CDH26: variants seen among roughly 807,000 people sequenced by gnomAD.
CDH26 encodes the protein cadherin 26.
Under a neutral mutation model 90.3 loss-of-function variants are expected in CDH26, and 83 were observed. The ratio of observed to expected loss-of-function variants is 0.92; its 90% CI spans 0.77 to 1.10. The LOEUF (loss-of-function observed/expected upper bound fraction) is 1.10, where lower values mean the gene tolerates loss of function less well. Among genes scored for constraint, CDH26 ranks in the 50% least tolerant of loss-of-function variants. CDH26 has a pLI of 0.00. For missense variants in CDH26, 1,013 were observed against 1,037.6 expected, an observed-to-expected ratio of 0.98 and a Z score of 0.33; for synonymous variants, 397 against 396.3, an observed-to-expected ratio of 1.00 and a Z score of -0.02.
chr20:60,001,504 G>A, intron 15 of CDH26, 93 bp downstream of exon 15: 1 of 1,516,540 alleles, frequency 6.6e-7, no homozygotes, highest in Non-Finnish European at 8.8e-7. Flanking sequence ...AAGATTCGGT[G>A]ATACTGTCAG....
Position 60,006,766 on chromosome 20 carries a change from G to A in CDH26, c.2274G>A (p.Arg758=), listed in dbSNP as rs567265141. The A allele has an allele frequency of 6.8e-6, 11 of 1,614,006 alleles. No individual in the cohort carries two copies. In the South Asian group the frequency reaches 1.1e-4, roughly 16 times the overall value. ...AACTCCTGGCTCCGGTGGAAGGAAG[G>A]ATGGCAGAGACATTGAATCAGGTAG... is the stretch of plus-strand genomic sequence containing the variant. ...HRQLLAPVEG[R]MAETLNQKLH... is the part of the protein sequence containing the mutation. Residue 758 remains arginine, a synonymous_variant, in exon 17 of 18, where the codon AGG becomes AGA. Transcript: ENST00000348616.
intron 2 of CDH26, 110 bp from the exon 3 acceptor site, chr20:59,969,972 T>C: frequency 1.4e-6 from 2 of 1,454,674 alleles, no homozygotes; most frequent in Non-Finnish European, 1.8e-6. Context: ...GATGAGAGAA[T>C]GCAGGCCAGG....
chr20:60,035,443 A>C (rs868245223), downstream of CDH26, among the ~76,000 whole-genome samples: 14 of 152,376 alleles, frequency 9.2e-5, no homozygotes, highest in Middle Eastern at 3.4e-3. Context: ...AATAACTTAA[A>C]AAGGGTCTGT....
At chr20:59,996,852 C>A in intron 13 of CDH26, 91 bp downstream of exon 13, 1 of 1,519,430 alleles carries the variant, frequency 6.6e-7, no homozygotes, top group Non-Finnish European at 9.0e-7. Flanking sequence ...TGTGCCACCT[C>A]TTAATTCTTC....
intron 1 of CDH26, among the ~76,000 whole-genome samples, chr20:59,960,394 A>AAC (rs111336064): frequency 0.09 from 13,298 of 148,574 alleles, 1,315 homozygotes; most frequent in African/African-American, 0.25. Flanking sequence ...CTTATGTTAA[A>AAC]ACACACACAC....
At chr20:59,974,655 A>G (rs567072605) in intron 4 of CDH26, among the ~76,000 whole-genome samples, 2 of 152,232 alleles carry the variant, frequency 1.3e-5, no homozygotes, top group East Asian at 3.9e-4. Context: ...CCATGTTCTG[A>G]TCCCCCAAAC....
At position 60,013,867 on chromosome 20, in the gene CDH26, T is replaced by G. The variant is rs2061880048; in HGVS notation, c.*1137T>G. The G allele has an allele frequency of 6.6e-6, 1 of 152,188 alleles. No individual in the cohort carries two copies. Among genetic ancestry groups the G allele is most frequent in the East Asian group, 1.9e-4 (1 of 5,192 alleles). 9.4% of individuals were successfully genotyped at this position (152,188 alleles called of 1,614,324 possible). A position where few individuals can be genotyped will look rare whatever the true frequency, so the allele number is the denominator to read the frequency against. ...CCTGGTTACCTCAGTCTTCCTCTGC[T>G]TTGGGAAGCTGAAAAAGAAGAAAAA... On this transcript the variant is annotated 3_prime_UTR_variant, in exon 18 of 18. Transcript: ENST00000348616.
intron 1 of CDH26, among the ~76,000 whole-genome samples, chr20:59,967,062 A>C (rs1167722003): frequency 6.6e-6 from 1 of 152,236 alleles, no homozygotes; most frequent in Non-Finnish European, 1.5e-5. Context: ...AAAACCATAA[A>C]AATTACACAT....
chr20:59,989,023 C>T lies in CDH26; in HGVS notation c.1143C>T (p.Ala381=). 8 of 1,614,210 alleles carry T rather than the reference C, an allele frequency of 5.0e-6. No individual in the cohort carries two copies. Among genetic ancestry groups the T allele is most frequent in the Non-Finnish European group, 6.8e-6 (8 of 1,180,042 alleles). ...CGCCAAGGAAGGCAGCAGCCAGCGC[C>T]ACTGTGAGTGTGCAGGTGACAGACG... is the stretch of plus-strand genomic sequence containing the variant. The part of the protein sequence containing the change: ...LQPPRKAAAS[A]TVSVQVTDAN... Residue 381 remains alanine (A), a synonymous_variant, in exon 9 of 18, where the codon GCC becomes GCT. Coordinates refer to ENST00000348616, the MANE Select transcript of CDH26 (RefSeq NM_177980.4).
chr20:59,970,765 G>A (rs935514701), intron 3 of CDH26, among the ~76,000 whole-genome samples: 33 of 151,222 alleles, frequency 2.2e-4, no homozygotes, highest in African/African-American at 7.8e-4. Flanking sequence ...AGCCAAGATC[G>A]CACCACTGCA....
At chr20:59,970,809 A>AAAATAAATAAAT (rs34187396) in intron 3 of CDH26, among the ~76,000 whole-genome samples, 68 of 144,086 alleles carry the variant, frequency 4.7e-4, no homozygotes, top group East Asian at 1.0e-3. Flanking sequence ...CTCTGTCTCA[A>AAAATAAATAAAT]AAATAAATAA....
At chr20:59,965,489 T>A (rs1043063712) in intron 1 of CDH26, among the ~76,000 whole-genome samples, 1 of 152,238 alleles carries the variant, frequency 6.6e-6, no homozygotes, top group African/African-American at 2.4e-5. Flanking sequence ...TTGGAAACTA[T>A]CCATATTTTT....
chr20:60,002,193 T>G (rs2061685663), intron 15 of CDH26, among the ~76,000 whole-genome samples: 1 of 152,194 alleles, frequency 6.6e-6, no homozygotes, highest in South Asian at 2.1e-4. Flanking sequence ...ATTTCATATC[T>G]TTGCACAGGC....
chr20:59,994,661 G>A (rs989163710), intron 11 of CDH26, among the ~76,000 whole-genome samples, 172 bp downstream of exon 11: 3 of 152,146 alleles, frequency 2.0e-5, no homozygotes, highest in African/African-American at 7.2e-5. Flanking sequence ...CCCACACATG[G>A]TCTGCCTTTC....
intron 7 of CDH26, among the ~76,000 whole-genome samples, chr20:60,021,458 G>T (rs1316950379): frequency 1.3e-5 from 2 of 152,118 alleles, no homozygotes; most frequent in Non-Finnish European, 2.9e-5. Flanking sequence ...AAGTGTGCTT[G>T]ACTCCTTCTC....
At chr20:60,003,613 A>G (rs2061703525) in intron 16 of CDH26, among the ~76,000 whole-genome samples, 1 of 152,236 alleles carries the variant, frequency 6.6e-6, no homozygotes, top group African/African-American at 2.4e-5. Flanking sequence ...ATAAAAGCTA[A>G]TTAACATGGC....
chr20:59,959,895 T>C (rs1049785840), intron 1 of CDH26, among the ~76,000 whole-genome samples: 1 of 152,300 alleles, frequency 6.6e-6, no homozygotes, highest in South Asian at 2.1e-4. Context: ...TGTTTGTACT[T>C]AGAGTGGACA....
chr20:59,994,160 T>C lies in CDH26; in HGVS notation c.1427-90T>C. Reference sequence around the variant, plus strand: ...GGAAACAGTTCCAGTATTTCAGGAATATTTTTTTTCTGAGAGACGGAGAGT... The same window carrying C: ...GGAAACAGTTCCAGTATTTCAGGAACATTTTTTTTCTGAGAGACGGAGAGT... On this transcript the variant is annotated intron_variant, in intron 10 of 17. Coordinates refer to ENST00000348616, the MANE Select transcript of CDH26 (RefSeq NM_177980.4). 2.6e-6 allele frequency: 4 copies of C among 1,512,642 alleles called. No individual in the cohort carries two copies. In the South Asian group the frequency reaches 4.8e-5, roughly 18 times the overall value. The allele number at this position is 1,512,642 out of a possible 1,614,324, so 93.7% of individuals were successfully genotyped here. A position where few individuals can be genotyped will look rare whatever the true frequency, so the allele number is the denominator to read the frequency against.
chr20:60,023,478 TA>T (rs1466568218), intron 7 of CDH26, among the ~76,000 whole-genome samples: 1 of 151,876 alleles, frequency 6.6e-6, no homozygotes, highest in Non-Finnish European at 1.5e-5. Flanking sequence ...AAGCATTTGA[TA>T]AAAACCACTG....
Sources: gnomAD v4.1 joint callset for allele counts (sites outside exome capture counted in the v4.1 genomes callset) on GRCh38, gnomAD v4.1.1 for gene constraint, MANE v1.5 for transcripts, NCBI Gene and HGNC (gene_info 2026-07-23, HGNC 2026-07-21) for gene names.